The following CRACD variants were observed in gnomAD, a reference collection of about 807,000 sequenced individuals.
The protein encoded by CRACD is capping protein-inhibiting regulator of actin dynamics.
Under a neutral mutation model 106.8 loss-of-function variants are expected in CRACD, and 56 were observed. The observed-to-expected ratio is 0.52, with a 90% confidence interval of 0.42 to 0.66. The LOEUF (loss-of-function observed/expected upper bound fraction) is 0.66. CRACD is among the 30% of genes least tolerant of loss of function. CRACD has a pLI of 0.00. For synonymous variants in CRACD, 754 were observed against 670.8 expected, an observed-to-expected ratio of 1.12 and a Z score of -1.92; for missense variants, 1,730 against 1,623.2, an observed-to-expected ratio of 1.07 and a Z score of -1.13.
intron 2 of CRACD, among the ~76,000 whole-genome samples, chr4:56,243,875 TCTAA>T (rs1740512818): frequency 7.3e-6 from 1 of 136,352 alleles, no homozygotes; most frequent in Non-Finnish European, 1.7e-5. Flanking sequence ...ATTCATTCCT[TCTAA>T]CTATTTTTTT....
At chr4:56,164,114 A>G (rs1736055750) in intron 1 of CRACD, among the ~76,000 whole-genome samples, 1 of 149,388 alleles carries the variant, frequency 6.7e-6, no homozygotes. Context: ...TCAGACATAT[A>G]CTTTTGCTGG....
At chr4:56,259,657 T>C (rs1247112322) in intron 2 of CRACD, among the ~76,000 whole-genome samples, 3 of 151,816 alleles carry the variant, frequency 2.0e-5, no homozygotes, top group African/African-American at 7.3e-5. Flanking sequence ...ACTGTGAAAA[T>C]TGTTGTTTTC....
At chr4:56,159,885 G>T (rs1205996659) in intron 1 of CRACD, among the ~76,000 whole-genome samples, 3 of 151,182 alleles carry the variant, frequency 2.0e-5, no homozygotes, top group Non-Finnish European at 4.4e-5. Context: ...GGGTTCAAAC[G>T]ATTCTCCTGC....
chr4:56,275,016 A>C (rs1560513079), intron 3 of CRACD, among the ~76,000 whole-genome samples: 1 of 152,232 alleles, frequency 6.6e-6, no homozygotes, highest in Non-Finnish European at 1.5e-5. Context: ...TATTCTTAGC[A>C]AACTAATGCA....
chr4:56,135,853 C>T (rs1476640811), intron 1 of CRACD, among the ~76,000 whole-genome samples: 8 of 152,240 alleles, frequency 5.3e-5, no homozygotes, highest in South Asian at 2.1e-4. Context: ...ATAAGGAAAC[C>T]GTCACCACAA....
Position 56,269,445 on chromosome 4 carries a change from G to A in CRACD, c.-188-2876G>A, listed in dbSNP as rs192703804. Among the ~76,000 whole-genome samples the A allele has an allele frequency of 9.9e-5, 15 of 152,034 alleles. No homozygotes were observed. The East Asian group carries it at 1.4e-3, about 14-fold the overall frequency. ...CTACAGACTGTACAGGAAGCATGGC[G>A]CCAGCATCTGTTTGCCTTCTGGGGA... is the stretch of plus-strand genomic sequence containing the variant. On this transcript the variant is annotated intron_variant, in intron 2 of 10. Coordinates refer to ENST00000682029, the MANE Select transcript of CRACD (RefSeq NM_001393381.1).
At chr4:56,213,727 C>T (rs190799153) in intron 2 of CRACD, among the ~76,000 whole-genome samples, 4 of 152,296 alleles carry the variant, frequency 2.6e-5, no homozygotes, top group Admixed American at 1.3e-4. Flanking sequence ...TATTTGAACA[C>T]GATTTGAATA....
intron 1 of CRACD, among the ~76,000 whole-genome samples, chr4:56,161,501 G>C (rs141835963): frequency 0.012 from 1,879 of 151,992 alleles, 33 homozygotes; most frequent in African/African-American, 0.043. Flanking sequence ...ACCCAGGCTG[G>C]AGTGCAGTGG....
chr4:56,239,957 G>A (rs1042437448), intron 2 of CRACD, among the ~76,000 whole-genome samples: 2 of 152,050 alleles, frequency 1.3e-5, no homozygotes, highest in Non-Finnish European at 2.9e-5. Context: ...TGAGAGTCAG[G>A]AGGAATGATT....
At chr4:56,189,032 A>T (rs1320309917) in intron 2 of CRACD, among the ~76,000 whole-genome samples, 3 of 152,108 alleles carry the variant, frequency 2.0e-5, no homozygotes, top group African/African-American at 7.2e-5. Flanking sequence ...AAAAATACAA[A>T]AATTAGCCAG....
chr4:56,200,988 GAGA>G (rs1246421269), intron 2 of CRACD, among the ~76,000 whole-genome samples: 2 of 152,160 alleles, frequency 1.3e-5, no homozygotes, highest in African/African-American at 2.4e-5. Flanking sequence ...GAAGTTTAAA[GAGA>G]AGGAGAAAAA....
intron 1 of CRACD, among the ~76,000 whole-genome samples, chr4:56,143,981 G>A (rs1170681886): frequency 6.6e-6 from 1 of 152,110 alleles, no homozygotes; most frequent in Non-Finnish European, 1.5e-5. Flanking sequence ...AAAAATAAGA[G>A]GAGTCTCTGT....
intron 1 of CRACD, among the ~76,000 whole-genome samples, chr4:56,137,367 A>G (rs1735037899): frequency 6.6e-6 from 1 of 152,234 alleles, no homozygotes; most frequent in Non-Finnish European, 1.5e-5. Context: ...AAACATTGTT[A>G]TGCGGCTCAT....
chr4:56,287,063 T>C (rs2010246636), intron 3 of CRACD, among the ~76,000 whole-genome samples: 1 of 152,160 alleles, frequency 6.6e-6, no homozygotes, highest in African/African-American at 2.4e-5. Context: ...AAACGCCCTG[T>C]ATTTTGATGT....
chr4:56,171,206 T>C (rs978114091), intron 1 of CRACD, among the ~76,000 whole-genome samples: 3 of 151,952 alleles, frequency 2.0e-5, no homozygotes, highest in Non-Finnish European at 4.4e-5. Flanking sequence ...ACTGCACATG[T>C]ATAAATATGT....
intron 2 of CRACD, among the ~76,000 whole-genome samples, chr4:56,232,012 C>T (rs1189478340): frequency 6.6e-6 from 1 of 152,104 alleles, no homozygotes; most frequent in Non-Finnish European, 1.5e-5. Context: ...GTGTTTATTG[C>T]AGTTATAATA....
At chr4:56,287,600 T>A (rs1180123743) in intron 3 of CRACD, among the ~76,000 whole-genome samples, 1 of 152,070 alleles carries the variant, frequency 6.6e-6, no homozygotes, top group African/African-American at 2.4e-5. Context: ...AATTTTTTAT[T>A]ATTTTTTGTA....
At chr4:56,166,410 G>A (rs548357063) in intron 1 of CRACD, among the ~76,000 whole-genome samples, 1 of 152,230 alleles carries the variant, frequency 6.6e-6, no homozygotes, top group East Asian at 1.9e-4. Context: ...GCTGGGTATG[G>A]TGGCTTAAAC....
intron 2 of CRACD, among the ~76,000 whole-genome samples, chr4:56,254,920 A>T (rs1741258909): frequency 6.6e-6 from 1 of 151,884 alleles, no homozygotes; most frequent in Admixed American, 6.6e-5. Flanking sequence ...CCTGGCCAAC[A>T]TGGTGAAACC....
Sources: allele counts gnomAD v4.1 joint callset (sites outside exome capture counted in the v4.1 genomes callset), GRCh38; gene constraint gnomAD v4.1.1; transcripts MANE v1.5; gene names NCBI Gene and HGNC (gene_info 2026-07-23, HGNC 2026-07-21).